Variants in SLC9A9 observed in about 807,000 individuals in gnomAD.
SLC9A9 encodes solute carrier family 9 member A9, also known as sodium/hydrogen exchanger 9.
A neutral mutation model predicts 77.8 loss-of-function variants in SLC9A9; 62 were observed. The observed-to-expected ratio is 0.80, with a 90% CI of 0.65 to 0.98. The LOEUF (loss-of-function observed/expected upper bound fraction) is 0.98. Ranked by LOEUF, SLC9A9 falls within the 50% of genes least tolerant of loss-of-function variation. The pLI is 0.00. For synonymous variants in SLC9A9, 320 were observed against 283.5 expected (o/e 1.13, Z -1.29); for missense variants, 775 against 774.9 (o/e 1.00, Z 0.00).
chr3:143,434,579 G>T (rs77599049), intron 12 of SLC9A9, among the ~76,000 whole-genome samples: 35 of 152,250 alleles, frequency 2.3e-4, no homozygotes, highest in African/African-American at 8.4e-4. Context: ...CTGGAAAAGA[G>T]AATCCTTTCC....
At chr3:143,458,683 G>A (rs1455701084) in intron 12 of SLC9A9, among the ~76,000 whole-genome samples, 1 of 151,984 alleles carries the variant, frequency 6.6e-6, no homozygotes, top group Non-Finnish European at 1.5e-5. Context: ...CACTTCAAGT[G>A]GAATGTAGAA....
chr3:143,554,088 T>C (rs1237095481), intron 8 of SLC9A9, among the ~76,000 whole-genome samples: 2 of 152,204 alleles, frequency 1.3e-5, no homozygotes, highest in African/African-American at 2.4e-5. Context: ...TTCACTGTTT[T>C]GACTAGATAT....
intron 14 of SLC9A9, among the ~76,000 whole-genome samples, chr3:143,281,795 C>T (rs553538178): frequency 1.2e-3 from 186 of 152,312 alleles, no homozygotes; most frequent in African/African-American, 4.3e-3. Flanking sequence ...ATGATTGCTG[C>T]TACTTTGCTC....
chr3:143,685,931 A>G (rs1933248034), intron 5 of SLC9A9, among the ~76,000 whole-genome samples: 1 of 152,216 alleles, frequency 6.6e-6, no homozygotes, highest in Non-Finnish European at 1.5e-5. Context: ...GAGGAAAGGC[A>G]CATATCTTTG....
intron 6 of SLC9A9, among the ~76,000 whole-genome samples, chr3:143,594,783 G>C (rs1278258482): frequency 6.6e-6 from 1 of 152,104 alleles, no homozygotes; most frequent in Non-Finnish European, 1.5e-5. Context: ...GGCCCCAAGG[G>C]CTATTCTGAG....
chr3:143,837,333 G>A lies in SLC9A9; in HGVS notation c.176-5112C>T, dbSNP rs895199826. On this transcript the variant is annotated intron_variant, in intron 1 of 15. Transcript: ENST00000316549. Reference sequence around the variant, plus strand: ...ATATGCCTAATTAGACTATTACAAAGGTCTATATTTAAGTGCTACATGATG... The same window carrying A: ...ATATGCCTAATTAGACTATTACAAAAGTCTATATTTAAGTGCTACATGATG... 2.0e-5 allele frequency among the ~76,000 whole-genome samples: 3 copies of A among 152,058 alleles called. No homozygotes were observed. The South Asian group carries it at 6.2e-4, about 32-fold the overall frequency.
intron 4 of SLC9A9, among the ~76,000 whole-genome samples, chr3:143,741,767 C>T (rs1340057573): frequency 6.6e-6 from 1 of 152,072 alleles, no homozygotes; most frequent in African/African-American, 2.4e-5. Flanking sequence ...TTCCCCCTAA[C>T]CCATTGAAAC....
intron 6 of SLC9A9, among the ~76,000 whole-genome samples, chr3:143,615,997 C>T (rs1334508760): frequency 6.6e-6 from 1 of 151,876 alleles, no homozygotes; most frequent in Non-Finnish European, 1.5e-5. Flanking sequence ...TCTCCTGCCT[C>T]AGCCTCCCAA....
chr3:143,652,211 A>C (rs916474833), intron 6 of SLC9A9, 44 bp downstream of exon 6: 3 of 1,431,382 alleles, frequency 2.1e-6, no homozygotes, highest in Admixed American at 3.5e-5. Context: ...GTGAAAGCAT[A>C]TTTCACATGA....
intron 14 of SLC9A9, among the ~76,000 whole-genome samples, chr3:143,335,724 T>C (rs2031902556): frequency 6.6e-6 from 1 of 152,144 alleles, no homozygotes; most frequent in African/African-American, 2.4e-5. Flanking sequence ...AAGAACTAAT[T>C]TGGACCTTTA....
At chr3:143,825,086 T>C (rs1477043378) in intron 2 of SLC9A9, among the ~76,000 whole-genome samples, 1 of 152,160 alleles carries the variant, frequency 6.6e-6, no homozygotes, top group Admixed American at 6.5e-5. Context: ...TACAAATGCT[T>C]CTCCACACCC....
intron 14 of SLC9A9, among the ~76,000 whole-genome samples, chr3:143,321,291 G>A (rs1009841111): frequency 1.2e-4 from 18 of 152,322 alleles, no homozygotes; most frequent in African/African-American, 3.1e-4. Context: ...CCTCCACTGC[G>A]GAGCAAGGCA....
At chr3:143,578,822 T>C in intron 6 of SLC9A9, 99 bp from the exon 7 acceptor site, 6 of 1,411,784 alleles carry the variant, frequency 4.2e-6, no homozygotes, top group Admixed American at 1.7e-5. Context: ...TTCCCTGTAA[T>C]GTTGGGTGCT....
chr3:143,534,709 T>C (rs1385083849), intron 9 of SLC9A9, among the ~76,000 whole-genome samples: 3 of 152,178 alleles, frequency 2.0e-5, no homozygotes, highest in African/African-American at 7.2e-5. Flanking sequence ...AATTTCTTAA[T>C]GACCCAAGTG....
chr3:143,632,493 C>T lies in SLC9A9; in HGVS notation c.755+19762G>A, dbSNP rs547623591. Among the ~76,000 whole-genome samples the T allele has an allele frequency of 5.9e-5, 9 of 152,194 alleles. No homozygotes were observed. In the East Asian group the frequency reaches 1.2e-3, roughly 20 times the overall value. ...GTACCCTCCACTTACCTACTGACCC[C>T]GTCACTTCTTGTCTTGTATCCAGGA... On this transcript the variant is annotated intron_variant, in intron 6 of 15. Transcript: ENST00000316549.
intron 14 of SLC9A9, among the ~76,000 whole-genome samples, chr3:143,317,884 C>T (rs540759651): frequency 7.9e-5 from 12 of 152,286 alleles, no homozygotes; most frequent in South Asian, 6.2e-4. Flanking sequence ...CCCGCCACCA[C>T]GCCTGGCTAA....
chr3:143,463,090 T>C (rs1011950198), intron 12 of SLC9A9, among the ~76,000 whole-genome samples: 1 of 152,206 alleles, frequency 6.6e-6, no homozygotes, highest in Non-Finnish European at 1.5e-5. Context: ...TCAGTTATTA[T>C]TGGTAGAGTG....
At chr3:143,645,183 T>C (rs11916000) in intron 6 of SLC9A9, among the ~76,000 whole-genome samples, 17,327 of 152,188 alleles carry the variant, frequency 0.11, 1,228 homozygotes, top group African/African-American at 0.19. Context: ...ATTCATTCAG[T>C]AGTTATTGGA....
intron 14 of SLC9A9, among the ~76,000 whole-genome samples, chr3:143,284,091 G>A (rs183182669): frequency 1.1e-4 from 17 of 149,628 alleles, no homozygotes; most frequent in African/African-American, 3.5e-4. Flanking sequence ...AGCCAAACCC[G>A]TGGCAGGAGC....
Sources: gnomAD v4.1 joint callset for allele counts (sites outside exome capture counted in the v4.1 genomes callset) on GRCh38, gnomAD v4.1.1 for gene constraint, MANE v1.5 for transcripts, NCBI Gene and HGNC (gene_info 2026-07-23, HGNC 2026-07-21) for gene names.